Variants in ADGRB3 observed in about 807,000 individuals in gnomAD.
ADGRB3 encodes the protein brain-specific angiogenesis inhibitor 3.
ADGRB3 carries 37 observed loss-of-function variants against 193.4 expected under a neutral mutation model. That is an observed-to-expected ratio of 0.19 (90% CI 0.15 to 0.25). The LOEUF (loss-of-function observed/expected upper bound fraction) is 0.25, where lower values mean the gene tolerates loss of function less well. Ranked by LOEUF, ADGRB3 falls within the 10% of genes least tolerant of loss-of-function variation. The pLI is 1.00. For synonymous variants in ADGRB3, 690 were observed against 644.2 expected (o/e 1.07, Z -1.08); for missense variants, 1,637 against 1,852.9 (o/e 0.88, Z 2.14).
intron 16 of ADGRB3, among the ~76,000 whole-genome samples, chr6:69,074,848 G>A (rs1299990291): frequency 6.6e-6 from 1 of 151,990 alleles, no homozygotes; most frequent in Non-Finnish European, 1.5e-5. Context: ...CCCGGCCTCA[G>A]GACTGTATCT....
intron 17 of ADGRB3, among the ~76,000 whole-genome samples, chr6:69,226,518 G>A (rs778811179): frequency 6.6e-6 from 1 of 152,224 alleles, no homozygotes; most frequent in Non-Finnish European, 1.5e-5. Context: ...AAATGGGAAA[G>A]TATATAATAC....
At chr6:69,052,302 G>A (rs879856295) in intron 15 of ADGRB3, among the ~76,000 whole-genome samples, 45 of 152,240 alleles carry the variant, frequency 3.0e-4, no homozygotes, top group Non-Finnish European at 3.5e-4. Flanking sequence ...TAAAAGATGT[G>A]TATTTTGTAA....
At chr6:68,820,237 T>C (rs1341495032) in intron 3 of ADGRB3, among the ~76,000 whole-genome samples, 1 of 152,034 alleles carries the variant, frequency 6.6e-6, no homozygotes, top group African/African-American at 2.4e-5. Flanking sequence ...CCTTCCACTG[T>C]TATAATTTAT....
At chr6:68,936,789 A>G in intron 5 of ADGRB3, 109 bp downstream of exon 5, 2 of 1,130,268 alleles carry the variant, frequency 1.8e-6, no homozygotes, top group Non-Finnish European at 2.5e-6. Flanking sequence ...TTTTGATTAG[A>G]GTGGATAAGT....
chr6:69,115,114 TAAGTCATTCTACTATA>T (rs1773492274), intron 17 of ADGRB3, among the ~76,000 whole-genome samples: 1 of 152,202 alleles, frequency 6.6e-6, no homozygotes, highest in Non-Finnish European at 1.5e-5. Context: ...CAAAGGTTTA[TAAGTCATTCTACTATA>T]AAGACACATG....
chr6:68,764,165 G>A (rs1433759336), intron 3 of ADGRB3, among the ~76,000 whole-genome samples: 2 of 152,046 alleles, frequency 1.3e-5, no homozygotes, highest in African/African-American at 4.8e-5. Context: ...ATGCGATCTC[G>A]ACCATCAGTA....
chr6:69,248,895 A>G (rs1194527110), intron 20 of ADGRB3, among the ~76,000 whole-genome samples: 1 of 152,304 alleles, frequency 6.6e-6, no homozygotes, highest in East Asian at 1.9e-4. Context: ...AGCCTGCAGA[A>G]CTGGAACAGA....
intron 3 of ADGRB3, among the ~76,000 whole-genome samples, chr6:68,906,165 T>C (rs1202443934): frequency 6.6e-6 from 1 of 151,956 alleles, no homozygotes; most frequent in Non-Finnish European, 1.5e-5. Flanking sequence ...TGGAAAATGT[T>C]ACTCAAATGT....
intron 17 of ADGRB3, among the ~76,000 whole-genome samples, chr6:69,135,861 G>A (rs1023829725): frequency 7.2e-5 from 11 of 152,052 alleles, no homozygotes; most frequent in Admixed American, 1.3e-4. Flanking sequence ...TTAGTCTGTA[G>A]CCATAAACAG....
chr6:69,287,272 A>G (rs1767572381), intron 20 of ADGRB3, among the ~76,000 whole-genome samples: 2 of 152,140 alleles, frequency 1.3e-5, no homozygotes, highest in African/African-American at 4.8e-5. Context: ...CACAGAGCAA[A>G]TAATAACTAC....
intron 18 of ADGRB3, among the ~76,000 whole-genome samples, chr6:69,233,774 G>C (rs145663261): frequency 2.0e-3 from 305 of 152,282 alleles, no homozygotes; most frequent in African/African-American, 6.9e-3. Context: ...ATTGTTAGTA[G>C]TAGAATGAAG....
At chr6:69,332,811 C>T in intron 23 of ADGRB3, 112 bp from the exon 24 acceptor site, 3 of 1,479,234 alleles carry the variant, frequency 2.0e-6, no homozygotes, top group Non-Finnish European at 2.7e-6. Flanking sequence ...TGCTTCATAC[C>T]ACTACTAGTG....
At chr6:68,831,343 T>C (rs1257274445) in intron 3 of ADGRB3, among the ~76,000 whole-genome samples, 1 of 150,530 alleles carries the variant, frequency 6.6e-6, no homozygotes, top group Non-Finnish European at 1.5e-5. Context: ...TTACTGGTTT[T>C]GGACATGCTG....
intron 3 of ADGRB3, among the ~76,000 whole-genome samples, chr6:68,654,984 T>C (rs573846672): frequency 2.0e-4 from 30 of 151,604 alleles, no homozygotes; most frequent in African/African-American, 6.8e-4. Flanking sequence ...AAATGTCAGT[T>C]TCAAAAAAGA....
rs185658667 is a variant in ADGRB3, at chr6:68,902,042, T to C, written c.758-28517T>C. ...ATTATGAAATGGGCATGACAGAGTA[T>C]GGATCACTCACTCCAAACCTTTTAT... On this transcript the variant is annotated intron_variant, in intron 3 of 31. Transcript: ENST00000370598. Among the ~76,000 whole-genome samples, 94 of 152,276 alleles carry C rather than the reference T, an allele frequency of 6.2e-4. 3 individuals carry two copies. The highest frequency in any genetic ancestry group is 5.9e-5 in the Non-Finnish European group (4 of 67,992).
At chr6:68,828,087 A>G (rs1767879561) in intron 3 of ADGRB3, among the ~76,000 whole-genome samples, 1 of 152,210 alleles carries the variant, frequency 6.6e-6, no homozygotes, top group Non-Finnish European at 1.5e-5. Flanking sequence ...GCTACGTGAC[A>G]TTCATTGTTT....
At chr6:69,271,887 A>C (rs1023302464) in intron 20 of ADGRB3, among the ~76,000 whole-genome samples, 3 of 152,176 alleles carry the variant, frequency 2.0e-5, no homozygotes, top group African/African-American at 7.2e-5. Context: ...TAAGTACAGC[A>C]TATTAAAAAC....
chr6:68,992,228 G>T (rs1769258322), intron 10 of ADGRB3, among the ~76,000 whole-genome samples: 2 of 152,144 alleles, frequency 1.3e-5, no homozygotes, highest in Admixed American at 1.3e-4. Flanking sequence ...TTAAAGAAGA[G>T]ACCATGGAAG....
chr6:69,288,790 A>G (rs181699666), intron 20 of ADGRB3, among the ~76,000 whole-genome samples: 82 of 152,212 alleles, frequency 5.4e-4, no homozygotes, highest in Middle Eastern at 3.4e-3. Flanking sequence ...ATTTCTGTTG[A>G]TAACAGTGGA....
Sources: allele counts gnomAD v4.1 joint callset (sites outside exome capture counted in the v4.1 genomes callset), GRCh38; gene constraint gnomAD v4.1.1; transcripts MANE v1.5; gene names NCBI Gene and HGNC (gene_info 2026-07-23, HGNC 2026-07-21).